ARHGAP6: variants seen among roughly 807,000 people sequenced by gnomAD.
ARHGAP6 encodes Rho GTPase activating protein 6.
In ARHGAP6, 16 loss-of-function variants were observed where a neutral mutation model predicts 55.7. The observed-to-expected ratio is 0.29, with a 90% CI of 0.19 to 0.44. The LOEUF (loss-of-function observed/expected upper bound fraction) is 0.44, where lower values mean the gene tolerates loss of function less well. Ranked by LOEUF, ARHGAP6 falls within the 20% of genes least tolerant of loss-of-function variation. The pLI, the probability that ARHGAP6 is intolerant of heterozygous loss-of-function variation, is 1.00. For missense variants in ARHGAP6, 698 were observed against 808.9 expected, an observed-to-expected ratio of 0.86 and a Z score of 1.66; for synonymous variants, 382 against 360.9, an observed-to-expected ratio of 1.06 and a Z score of -0.66.
chrX:11,659,117 G>A (rs771754740), intron 1 of ARHGAP6, among the ~76,000 whole-genome samples: 1 of 111,459 alleles, frequency 9.0e-6, no homozygotes, highest in Non-Finnish European at 1.9e-5. Context: ...GAGTTCAACA[G>A]AGCAAGAAAA....
At chrX:11,186,994 G>A (rs1032191566) in intron 4 of ARHGAP6, among the ~76,000 whole-genome samples, 1 of 111,013 alleles carries the variant, frequency 9.0e-6, no homozygotes, top group African/African-American at 3.3e-5. Context: ...GCATTATCAA[G>A]CCTATTATCA....
intron 1 of ARHGAP6, among the ~76,000 whole-genome samples, chrX:11,503,295 A>G (rs868448083): frequency 1.3e-4 from 14 of 111,793 alleles, no homozygotes; most frequent in Middle Eastern, 4.6e-3. Context: ...GACTTCTTCA[A>G]TAACCCACAC....
intron 1 of ARHGAP6, among the ~76,000 whole-genome samples, chrX:11,540,459 A>G (rs933533701): frequency 3.6e-5 from 4 of 110,930 alleles, no homozygotes; most frequent in Non-Finnish European, 7.6e-5. Context: ...AATCATGGCA[A>G]ATGGTCACCT....
rs773813780 is a variant in ARHGAP6, at chrX:11,349,438, G to A, written c.589-94731C>T. Among the ~76,000 whole-genome samples, 8 of 111,317 alleles carry A rather than the reference G, an allele frequency of 7.2e-5. No homozygotes were observed. In the East Asian group the frequency reaches 2.2e-3, roughly 31 times the overall value. On this transcript the variant is annotated intron_variant, in intron 1 of 12. Coordinates refer to ENST00000337414, the MANE Select transcript of ARHGAP6 (RefSeq NM_013427.3). Reference sequence around the variant, plus strand: ...TAGAAATAAAGTACCATCAGGGCAGGGGTTTGTGTCTGTTCTGTCCAGAAC... The same window carrying A: ...TAGAAATAAAGTACCATCAGGGCAGAGGTTTGTGTCTGTTCTGTCCAGAAC...
intron 2 of ARHGAP6, among the ~76,000 whole-genome samples, chrX:11,230,547 C>G (rs2047113993): frequency 9.1e-6 from 1 of 110,031 alleles, no homozygotes; most frequent in African/African-American, 3.3e-5. Flanking sequence ...TAACTGTGTA[C>G]TTGAAGTCAC....
chrX:11,660,799 CCTT>C (rs2052694379), intron 1 of ARHGAP6, among the ~76,000 whole-genome samples: 1 of 110,495 alleles, frequency 9.1e-6, no homozygotes, highest in South Asian at 3.9e-4. Flanking sequence ...GCATCACTTT[CCTT>C]CTTCTCCTTA....
intron 1 of ARHGAP6, among the ~76,000 whole-genome samples, chrX:11,392,999 A>T (rs1432297246): frequency 8.9e-6 from 1 of 111,735 alleles, no homozygotes; most frequent in Non-Finnish European, 1.9e-5. Flanking sequence ...CTGAATTACA[A>T]GAAGGATATC....
chrX:11,324,921 C>A (rs1230905753), intron 1 of ARHGAP6, among the ~76,000 whole-genome samples: 1 of 112,466 alleles, frequency 8.9e-6, no homozygotes, highest in East Asian at 2.8e-4. Context: ...TGCAGTGGCG[C>A]AATCTCGACT....
chrX:11,532,301 C>A (rs192861490), intron 1 of ARHGAP6, among the ~76,000 whole-genome samples: 1 of 112,299 alleles, frequency 8.9e-6, no homozygotes, highest in South Asian at 3.7e-4. Flanking sequence ...GGGAACATGG[C>A]TAAGAAATGG....
chrX:11,146,733 C>T (rs940059788), intron 10 of ARHGAP6, among the ~76,000 whole-genome samples: 1 of 112,424 alleles, frequency 8.9e-6, no homozygotes, highest in Non-Finnish European at 1.9e-5. Flanking sequence ...TGCTGAATAC[C>T]ATGCTCTCTA....
Position 11,664,837 on chromosome X carries a change from G to C in ARHGAP6, c.-9C>G. Reference sequence around the variant, plus strand: ...AGGCTCTGCGCGGACATCTCGGCGGGGCTGCACCTGAGGACCACCTCCTCC... The same window carrying C: ...AGGCTCTGCGCGGACATCTCGGCGGCGCTGCACCTGAGGACCACCTCCTCC... On this transcript the variant is annotated 5_prime_UTR_variant, in exon 1 of 13. Transcript: ENST00000337414. 1 of 1,168,030 alleles carries C rather than the reference G, an allele frequency of 8.6e-7. No individual in the cohort carries two copies.
chrX:11,288,080 C>T (rs1055359765), intron 1 of ARHGAP6, among the ~76,000 whole-genome samples: 6 of 112,383 alleles, frequency 5.3e-5, no homozygotes, highest in Admixed American at 1.9e-4. Flanking sequence ...CAACTCAGCA[C>T]GTCTAATCCT....
At chrX:11,193,578 T>G (rs1444591779) in intron 3 of ARHGAP6, among the ~76,000 whole-genome samples, 1 of 112,337 alleles carries the variant, frequency 8.9e-6, no homozygotes, top group African/African-American at 3.2e-5. Context: ...CTTAAAATTT[T>G]TTTGTTTTGT....
intron 1 of ARHGAP6, among the ~76,000 whole-genome samples, chrX:11,442,659 C>T (rs972986427): frequency 2.7e-5 from 3 of 112,583 alleles, no homozygotes; most frequent in Non-Finnish European, 3.7e-5. Flanking sequence ...CAGGAGCACG[C>T]AGTCTGCTCA....
intron 1 of ARHGAP6, among the ~76,000 whole-genome samples, chrX:11,577,794 T>C (rs1434320585): frequency 3.6e-5 from 4 of 111,783 alleles, no homozygotes; most frequent in African/African-American, 6.5e-5. Flanking sequence ...CAGGCTACTA[T>C]GTGTTAGGCA....
At chrX:11,456,410 G>A (rs922154827) in intron 1 of ARHGAP6, among the ~76,000 whole-genome samples, 2 of 111,969 alleles carry the variant, frequency 1.8e-5, no homozygotes, top group Non-Finnish European at 3.8e-5. Flanking sequence ...AACAGGTAGA[G>A]AGACCTGCCC....
chrX:11,320,530 G>C (rs770418368), intron 1 of ARHGAP6, among the ~76,000 whole-genome samples: 5 of 110,765 alleles, frequency 4.5e-5, no homozygotes, highest in African/African-American at 9.9e-5. Context: ...CTTTACAGAT[G>C]AAGTCACAGC....
At chrX:11,545,336 A>C (rs1021817723) in intron 1 of ARHGAP6, among the ~76,000 whole-genome samples, 5 of 112,558 alleles carry the variant, frequency 4.4e-5, no homozygotes, top group Non-Finnish European at 7.5e-5. Flanking sequence ...ACTGAGGTAT[A>C]TCTCTAGTAC....
At chrX:11,161,763 C>T (rs1020907870) in intron 9 of ARHGAP6, among the ~76,000 whole-genome samples, 1 of 112,074 alleles carries the variant, frequency 8.9e-6, no homozygotes, top group Non-Finnish European at 1.9e-5. Context: ...GTCATCCATT[C>T]GCTTTCAGAG....
Sources: gnomAD v4.1 joint callset for allele counts (sites outside exome capture counted in the v4.1 genomes callset) on GRCh38, gnomAD v4.1.1 for gene constraint, MANE v1.5 for transcripts, NCBI Gene and HGNC (gene_info 2026-07-23, HGNC 2026-07-21) for gene names.